PRKN: variants seen among roughly 807,000 people sequenced by gnomAD.
PRKN encodes the protein parkin RBR E3 ubiquitin protein ligase.
A neutral mutation model predicts 59.5 loss-of-function variants in PRKN; 56 were observed. The ratio of observed to expected loss-of-function variants is 0.94; its 90% CI spans 0.76 to 1.18. The LOEUF (loss-of-function observed/expected upper bound fraction) is 1.18. Among genes scored for constraint, PRKN ranks in the 50% most tolerant of loss-of-function variants. The pLI is 0.00. For synonymous variants in PRKN, 250 were observed against 222.1 expected (o/e 1.13, Z -1.12); for missense variants, 657 against 596.4 (o/e 1.10, Z -1.06).
intron 1 of PRKN, among the ~76,000 whole-genome samples, chr6:162,649,663 A>T (rs1028825579): frequency 7.2e-5 from 11 of 152,180 alleles, no homozygotes; most frequent in Non-Finnish European, 1.3e-4. Context: ...TGTCTCAAAA[A>T]AAAAAAAGTA....
chr6:162,158,948 T>G (rs1271096730), intron 4 of PRKN, among the ~76,000 whole-genome samples: 1 of 151,956 alleles, frequency 6.6e-6, no homozygotes, highest in Non-Finnish European at 1.5e-5. Flanking sequence ...TCATTAGCCT[T>G]CCACTAACTA....
At chr6:162,690,354 G>T (rs1162754734) in intron 1 of PRKN, among the ~76,000 whole-genome samples, 1 of 152,326 alleles carries the variant, frequency 6.6e-6, no homozygotes, top group South Asian at 2.1e-4. Context: ...TAATGAGGCT[G>T]CTGTTCAAAC....
intron 4 of PRKN, among the ~76,000 whole-genome samples, chr6:162,070,247 C>T (rs1778517673): frequency 6.6e-6 from 1 of 152,210 alleles, no homozygotes; most frequent in African/African-American, 2.4e-5. Flanking sequence ...TTACATCATG[C>T]ATTTTCATAA....
intron 7 of PRKN, among the ~76,000 whole-genome samples, chr6:161,574,084 A>G (rs993790044): frequency 5.3e-5 from 8 of 152,118 alleles, no homozygotes; most frequent in African/African-American, 1.9e-4. Context: ...GACTAGACAC[A>G]GCATAGACTT....
chr6:161,825,442 G>A (rs942488183), intron 6 of PRKN, among the ~76,000 whole-genome samples: 4 of 152,056 alleles, frequency 2.6e-5, no homozygotes, highest in African/African-American at 7.2e-5. Context: ...GGACCCCTTG[G>A]CCTCGTCAAT....
chr6:161,661,745 G>C lies in PRKN; in HGVS notation c.872-92329C>G, dbSNP rs550519410. Among the ~76,000 whole-genome samples, 4 of 152,284 alleles carry C rather than the reference G, an allele frequency of 2.6e-5. No homozygotes were observed. In the South Asian group the frequency reaches 8.3e-4, roughly 32 times the overall value. Reference sequence around the variant, plus strand: ...AATAAATGTGTGGTACAAGTACGCTGGGCACAGTGGCTCCCACGTGTAATC... The same window carrying C: ...AATAAATGTGTGGTACAAGTACGCTCGGCACAGTGGCTCCCACGTGTAATC... On this transcript the variant is annotated intron_variant, in intron 7 of 11. Coordinates refer to ENST00000366898, the MANE Select transcript of PRKN (RefSeq NM_004562.3).
At chr6:161,615,667 A>T (rs1228275031) in intron 7 of PRKN, among the ~76,000 whole-genome samples, 1 of 152,192 alleles carries the variant, frequency 6.6e-6, no homozygotes, top group African/African-American at 2.4e-5. Context: ...CTCTCTTTCC[A>T]TAAAGGGGGT....
chr6:162,414,709 T>TGAAAAAAAAAAAAAAA (rs373871165), intron 2 of PRKN, among the ~76,000 whole-genome samples: 1,942 of 44,304 alleles, frequency 0.044, 333 homozygotes, highest in East Asian at 0.077. Context: ...AGACTCCGTC[T>TGAAAAAAAAAAAAAAA]CAAAAAAAAA....
chr6:161,785,976 C>A, intron 6 of PRKN, 68 bp from the exon 7 acceptor site: 2 of 1,515,042 alleles, frequency 1.3e-6, no homozygotes, highest in East Asian at 4.6e-5. Flanking sequence ...GTGCTTTAGA[C>A]CAATTTCTGT....
chr6:161,689,482 T>C (rs2128175102), intron 7 of PRKN, among the ~76,000 whole-genome samples: 2 of 152,292 alleles, frequency 1.3e-5, no homozygotes, highest in Middle Eastern at 3.4e-3. Flanking sequence ...GTAGGGACTG[T>C]CAAAACCTTT....
At chr6:162,501,966 A>C (rs1361264890) in intron 1 of PRKN, among the ~76,000 whole-genome samples, 1 of 152,186 alleles carries the variant, frequency 6.6e-6, no homozygotes, top group Non-Finnish European at 1.5e-5. Context: ...GAATTAAGTA[A>C]TTTTAAAAAT....
intron 5 of PRKN, among the ~76,000 whole-genome samples, chr6:162,025,293 G>T (rs1036710153): frequency 6.6e-6 from 1 of 151,892 alleles, no homozygotes; most frequent in Non-Finnish European, 1.5e-5. Flanking sequence ...GTGAGCCACC[G>T]CACCCAGTCT....
intron 7 of PRKN, among the ~76,000 whole-genome samples, chr6:161,779,925 G>A: frequency 6.6e-6 from 1 of 152,124 alleles, no homozygotes; most frequent in East Asian, 1.9e-4. Flanking sequence ...ATGAAAGAAT[G>A]TCCAAATGCA....
At chr6:161,958,696 T>C (rs1363180216) in intron 6 of PRKN, among the ~76,000 whole-genome samples, 2 of 152,126 alleles carry the variant, frequency 1.3e-5, no homozygotes, top group African/African-American at 4.8e-5. Flanking sequence ...CTGGCCAACA[T>C]GGCAAAACCC....
intron 3 of PRKN, among the ~76,000 whole-genome samples, chr6:162,251,411 A>C (rs549863821): frequency 3.9e-5 from 6 of 152,142 alleles, no homozygotes; most frequent in Non-Finnish European, 8.8e-5. Context: ...AGCCCAGGTT[A>C]TGTAAAAGGC....
At chr6:162,417,348 C>T (rs1788683326) in intron 2 of PRKN, among the ~76,000 whole-genome samples, 1 of 152,146 alleles carries the variant, frequency 6.6e-6, no homozygotes, top group Non-Finnish European at 1.5e-5. Context: ...CTAGGGGTCG[C>T]TGCCTTTCCT....
rs571064440 is a variant in PRKN at position 162,435,578 on chromosome 6, A to G, written c.171+7732T>C. Reference sequence around the variant, plus strand: ...TTCCCAAAGTGAGCATTTGCCCTGTACAGATGATCATTCTTTGATTCTAGA... The same window carrying G: ...TTCCCAAAGTGAGCATTTGCCCTGTGCAGATGATCATTCTTTGATTCTAGA... On this transcript the variant is annotated intron_variant, in intron 2 of 11. Coordinates refer to ENST00000366898, the MANE Select transcript of PRKN (RefSeq NM_004562.3). 3.9e-5 allele frequency among the ~76,000 whole-genome samples: 6 copies of G among 152,330 alleles called. No individual in the cohort carries two copies. The South Asian group carries it at 8.3e-4, about 21-fold the overall frequency.
intron 1 of PRKN, among the ~76,000 whole-genome samples, chr6:162,482,930 C>A (rs958935554): frequency 9.0e-6 from 1 of 111,452 alleles, no homozygotes; most frequent in African/African-American, 4.0e-5. Flanking sequence ...TGCACTGATT[C>A]CATTGTTGGA....
intron 6 of PRKN, among the ~76,000 whole-genome samples, chr6:161,810,435 A>G (rs1445190666): frequency 1.3e-5 from 2 of 152,242 alleles, no homozygotes; most frequent in African/African-American, 4.8e-5. Flanking sequence ...ATTATGACAG[A>G]CTGGAATTCT....
Sources: gnomAD v4.1 joint callset for allele counts (sites outside exome capture counted in the v4.1 genomes callset) on GRCh38, gnomAD v4.1.1 for gene constraint, MANE v1.5 for transcripts, NCBI Gene and HGNC (gene_info 2026-07-23, HGNC 2026-07-21) for gene names.